CALN1: variants seen among roughly 807,000 people sequenced by gnomAD.
CALN1 encodes calcium-binding protein 8.
In CALN1, 17 loss-of-function variants were observed where a neutral mutation model predicts 30.6. The ratio of observed to expected loss-of-function variants is 0.56; its 90% CI spans 0.38 to 0.83. The LOEUF (loss-of-function observed/expected upper bound fraction) is 0.83. Ranked by LOEUF, CALN1 falls within the 40% of genes least tolerant of loss-of-function variation. CALN1 has a pLI of 0.00. For synonymous variants in CALN1, 156 were observed against 131.4 expected (o/e 1.19, Z -1.28); for missense variants, 291 against 354.9 (o/e 0.82, Z 1.45).
At chr7:72,291,188 GC>G (rs1157956597) in intron 2 of CALN1, among the ~76,000 whole-genome samples, 1 of 152,150 alleles carries the variant, frequency 6.6e-6, no homozygotes, top group African/African-American at 2.4e-5. Context: ...ATCCCAAAGT[GC>G]TGGGATTACA....
chr7:72,447,911 CACAT>C (rs1487157696), upstream of CALN1, among the ~76,000 whole-genome samples: 2 of 150,830 alleles, frequency 1.3e-5, no homozygotes, highest in African/African-American at 2.4e-5. Flanking sequence ...CCCATGTACA[CACAT>C]ACACACACGC....
chr7:72,283,004 G>A (rs890353749), intron 2 of CALN1, among the ~76,000 whole-genome samples: 8 of 149,226 alleles, frequency 5.4e-5, no homozygotes, highest in Admixed American at 1.3e-4. Context: ...GCAATGAGCC[G>A]AGATCGTGCC....
At chr7:72,244,523 A>T (rs1562788060) in intron 3 of CALN1, among the ~76,000 whole-genome samples, 1 of 152,088 alleles carries the variant, frequency 6.6e-6, no homozygotes, top group Admixed American at 6.6e-5. Context: ...TGGGATATAA[A>T]TGAGGAATAA....
chr7:71,984,795 G>A (rs1798577669), intron 5 of CALN1, among the ~76,000 whole-genome samples: 1 of 152,174 alleles, frequency 6.6e-6, no homozygotes, highest in Admixed American at 6.5e-5. Context: ...ACCCTGTATG[G>A]CAAACACACC....
chr7:72,368,895 A>G (rs1032543930), intron 2 of CALN1, among the ~76,000 whole-genome samples: 1 of 147,666 alleles, frequency 6.8e-6, no homozygotes, highest in African/African-American at 2.5e-5. Context: ...GTTCACTGCA[A>G]CCTCCACCTA....
intron 5 of CALN1, among the ~76,000 whole-genome samples, chr7:72,014,087 T>G (rs1326195015): frequency 7.7e-6 from 1 of 130,092 alleles, no homozygotes; most frequent in East Asian, 2.0e-4. Flanking sequence ...AGTTGGCTCT[T>G]TTTTTTTTTT....
At chr7:72,481,871 T>A in the CALN1 span, among the ~76,000 whole-genome samples, 1 of 152,212 alleles carries the variant, frequency 6.6e-6, no homozygotes, top group Non-Finnish European at 1.5e-5. Flanking sequence ...ATTTGAGACT[T>A]GTATGTTCTA....
chr7:71,918,173 T>G (rs1794773357), intron 5 of CALN1, among the ~76,000 whole-genome samples: 1 of 152,210 alleles, frequency 6.6e-6, no homozygotes, highest in Admixed American at 6.5e-5. Context: ...TTATCACCAT[T>G]CTTAGGAACA....
intron 3 of CALN1, among the ~76,000 whole-genome samples, chr7:72,129,384 C>T (rs1808982934): frequency 6.6e-6 from 1 of 152,078 alleles, no homozygotes; most frequent in African/African-American, 2.4e-5. Context: ...ATTATTCAAG[C>T]ATACAAACAC....
At chr7:72,249,971 G>C (rs996276210) in intron 3 of CALN1, among the ~76,000 whole-genome samples, 5 of 150,182 alleles carry the variant, frequency 3.3e-5, no homozygotes, top group East Asian at 2.0e-4. Flanking sequence ...GAGAGAGAGA[G>C]AGAGAGAGAA....
At chr7:71,825,502 T>C (rs1169160464) in intron 5 of CALN1, among the ~76,000 whole-genome samples, 1 of 152,112 alleles carries the variant, frequency 6.6e-6, no homozygotes, top group African/African-American at 2.4e-5. Context: ...GACTAGGTAA[T>C]TTATAAAGAA....
At chr7:72,386,361 CTTAAGTAA>C (rs1805209023) in intron 2 of CALN1, among the ~76,000 whole-genome samples, 1 of 152,052 alleles carries the variant, frequency 6.6e-6, no homozygotes, top group Non-Finnish European at 1.5e-5. Flanking sequence ...AAAGTGCTGA[CTTAAGTAA>C]CTTTGGAAAT....
chr7:71,888,092 A>G lies in CALN1; in HGVS notation c.502-77600T>C, dbSNP rs570972814. Reference sequence around the variant, plus strand: ...TCATAGGGAAGTCTGGGATAAAAGCATAGGATGGAATAAGACCTCCCAGAG... The same window carrying G: ...TCATAGGGAAGTCTGGGATAAAAGCGTAGGATGGAATAAGACCTCCCAGAG... On this transcript the variant is annotated intron_variant, in intron 5 of 6. Transcript: ENST00000395275. 5.9e-5 allele frequency among the ~76,000 whole-genome samples: 9 copies of G among 152,268 alleles called. No homozygotes were observed. In the East Asian group the frequency reaches 1.4e-3, roughly 23 times the overall value.
chr7:72,134,429 C>G (rs141803430), intron 3 of CALN1, among the ~76,000 whole-genome samples: 94 of 152,282 alleles, frequency 6.2e-4, no homozygotes, highest in Admixed American at 1.7e-3. Context: ...TAAATTCAGA[C>G]ACACCTCAAA....
Position 72,393,354 on chromosome 7 carries a change from C to T in CALN1, c.119+9897G>A, listed in dbSNP as rs371903788. On this transcript the variant is annotated intron_variant, in intron 2 of 6. Transcript: ENST00000395275. Reference sequence around the variant, plus strand: ...TGGCGGGCACCTGTAGTCCCAGCTACTCGGGAGGCTGAGGCAGGAGAATGG... The same window carrying T: ...TGGCGGGCACCTGTAGTCCCAGCTATTCGGGAGGCTGAGGCAGGAGAATGG... Among the ~76,000 whole-genome samples, 12 of 152,044 alleles carry T rather than the reference C, an allele frequency of 7.9e-5. No individual in the cohort carries two copies. The East Asian group carries it at 1.4e-3, about 17-fold the overall frequency.
chr7:72,204,576 A>C (rs562024100), intron 3 of CALN1, among the ~76,000 whole-genome samples: 1 of 152,330 alleles, frequency 6.6e-6, no homozygotes, highest in South Asian at 2.1e-4. Context: ...AAATTTCCTG[A>C]GATCAAATCA....
At chr7:72,369,053 G>A (rs1042718343) in intron 2 of CALN1, among the ~76,000 whole-genome samples, 1 of 151,290 alleles carries the variant, frequency 6.6e-6, no homozygotes, top group Non-Finnish European at 1.5e-5. Flanking sequence ...GACCTCAAGT[G>A]ATCTGCCCAC....
chr7:71,968,261 C>T (rs993352859), intron 5 of CALN1, among the ~76,000 whole-genome samples: 1 of 152,134 alleles, frequency 6.6e-6, no homozygotes, highest in African/African-American at 2.4e-5. Flanking sequence ...AAGCATTATA[C>T]TGAATGAAAA....
chr7:71,929,656 T>C (rs907795304), intron 5 of CALN1, among the ~76,000 whole-genome samples: 1 of 152,248 alleles, frequency 6.6e-6, no homozygotes, highest in African/African-American at 2.4e-5. Flanking sequence ...TGAAGGACAT[T>C]TGGGTTATGT....
Sources: allele counts gnomAD v4.1 joint callset (sites outside exome capture counted in the v4.1 genomes callset), GRCh38; gene constraint gnomAD v4.1.1; transcripts MANE v1.5; gene names NCBI Gene and HGNC (gene_info 2026-07-23, HGNC 2026-07-21).